UTS2: variants seen among roughly 807,000 people sequenced by gnomAD.
The protein encoded by UTS2 is urotensin 2, also known as urotensin-2.
UTS2 carries 10 observed loss-of-function variants against 12.6 expected under a neutral mutation model. The ratio of observed to expected loss-of-function variants is 0.80; its 90% confidence interval spans 0.49 to 1.35. The LOEUF is 1.35. UTS2 is among the 40% of genes most tolerant of loss of function. The pLI, the probability that UTS2 is intolerant of heterozygous loss-of-function variation, is 0.00. For missense variants in UTS2, 142 were observed against 143.2 expected, an observed-to-expected ratio of 0.99 and a Z score of 0.04; for synonymous variants, 52 against 50.0, an observed-to-expected ratio of 1.04 and a Z score of -0.17.
At chr1:7,856,372 G>T (rs570369329), upstream of UTS2, among the ~76,000 whole-genome samples, 1 of 152,230 alleles carries the variant, frequency 6.6e-6, no homozygotes, top group African/African-American at 2.4e-5. Flanking sequence ...ACAGGGGCAG[G>T]TAGTCAGGGC....
chr1:7,859,176 T>A, the UTS2 span, among the ~76,000 whole-genome samples: 2 of 152,310 alleles, frequency 1.3e-5, no homozygotes, highest in Admixed American at 6.5e-5. Flanking sequence ...GCAGACATCA[T>A]CGGGGTCCAT....
the UTS2 span, among the ~76,000 whole-genome samples, chr1:7,866,204 G>A: frequency 6.6e-6 from 1 of 152,160 alleles, no homozygotes; most frequent in Non-Finnish European, 1.5e-5. The surrounding 1 kb of genome is among the most constrained non-coding windows in gnomAD (Gnocchi z 4.5). Flanking sequence ...TGTGGCCCCA[G>A]TTGTCTAAGA....
the UTS2 span, among the ~76,000 whole-genome samples, chr1:7,880,610 C>A: frequency 1.3e-5 from 2 of 151,948 alleles, 1 homozygote; most frequent in South Asian, 4.2e-4. Flanking sequence ...AAGATTGAAC[C>A]AGGAAGAAAT....
chr1:7,888,987 G>A, the UTS2 span, among the ~76,000 whole-genome samples: 8 of 151,744 alleles, frequency 5.3e-5, no homozygotes, highest in Non-Finnish European at 1.0e-4. Context: ...AAGAGTATGC[G>A]CATAACTCCT....
chr1:7,869,133 C>G, the UTS2 span, among the ~76,000 whole-genome samples: 1 of 152,244 alleles, frequency 6.6e-6, no homozygotes, highest in Non-Finnish European at 1.5e-5. Flanking sequence ...CAGCAACACC[C>G]CTTTTTCAGA....
At chr1:7,906,503 G>GAAAGAAAGAAAGAAAGA in the UTS2 span, among the ~76,000 whole-genome samples, 1 of 130,060 alleles carries the variant, frequency 7.7e-6, no homozygotes, top group Admixed American at 8.1e-5. Flanking sequence ...AAGAAAGAAA[G>GAAAGAAAGAAAGAAAGA]AAAGAAAAGA....
chr1:7,885,351 G>A, the UTS2 span, among the ~76,000 whole-genome samples: 1 of 152,182 alleles, frequency 6.6e-6, no homozygotes, highest in Non-Finnish European at 1.5e-5. Flanking sequence ...CATCTGGGTC[G>A]AGCCCATGGG....
chr1:7,863,005 AT>A, the UTS2 span, among the ~76,000 whole-genome samples: 1 of 20,050 alleles, frequency 5.0e-5, no homozygotes, highest in Non-Finnish European at 1.2e-4. Flanking sequence ...ATTGTATTGT[AT>A]TGTATTGTAT....
chr1:7,861,350 C>T, the UTS2 span, among the ~76,000 whole-genome samples: 2 of 151,976 alleles, frequency 1.3e-5, no homozygotes, highest in African/African-American at 4.8e-5. Flanking sequence ...GCAACTTTGA[C>T]AAGAGCCGTT....
chr1:7,900,387 A>G, the UTS2 span, among the ~76,000 whole-genome samples: 1 of 152,060 alleles, frequency 6.6e-6, no homozygotes, highest in Middle Eastern at 3.4e-3. Flanking sequence ...ACAGAGCCAG[A>G]ACTTGTCTCC....
chr1:7,892,572 G>A, the UTS2 span, among the ~76,000 whole-genome samples: 3 of 142,700 alleles, frequency 2.1e-5, no homozygotes, highest in South Asian at 6.8e-4. Context: ...CCACCTCCAA[G>A]GTTCAGGTGA....
At chr1:7,853,782 G>T (rs183597714), upstream of UTS2, among the ~76,000 whole-genome samples, 151 of 152,358 alleles carry the variant, frequency 9.9e-4, no homozygotes, top group African/African-American at 3.3e-3. Context: ...GCTGGTCCAA[G>T]CCCGGATGGG....
the UTS2 span, among the ~76,000 whole-genome samples, chr1:7,863,008 G>GTATTGTAT: frequency 9.7e-5 from 2 of 20,678 alleles, no homozygotes; most frequent in African/African-American, 1.6e-4. Flanking sequence ...GTATTGTATT[G>GTATTGTAT]TATTGTATTG....
the UTS2 span, among the ~76,000 whole-genome samples, chr1:7,866,535 G>A: frequency 6.6e-6 from 1 of 152,142 alleles, no homozygotes; most frequent in Non-Finnish European, 1.5e-5. This position sits in a 1 kb window ranked among gnomAD's most constrained non-coding sequence, Gnocchi z 4.5. Flanking sequence ...CCCATCCTAG[G>A]CCCTGCACTT....
the UTS2 span, among the ~76,000 whole-genome samples, chr1:7,899,227 G>A: frequency 1.3e-5 from 2 of 152,140 alleles, no homozygotes; most frequent in Non-Finnish European, 2.9e-5. Flanking sequence ...TTAGACAAGA[G>A]ATTTGCTGAA....
At chr1:7,872,313 AAAAAAAGGAAAAG>A in the UTS2 span, among the ~76,000 whole-genome samples, 12 of 147,836 alleles carry the variant, frequency 8.1e-5, no homozygotes, top group South Asian at 2.1e-4. Context: ...AAAAAAAAAA[AAAAAAAGGAAAAG>A]AAAAAAAAAG....
At chr1:7,898,632 C>A in the UTS2 span, among the ~76,000 whole-genome samples, 3 of 152,146 alleles carry the variant, frequency 2.0e-5, no homozygotes, top group Middle Eastern at 6.8e-3. Context: ...CCTGCCACTA[C>A]GCCCGGCTAA....
chr1:7,853,147 TA>T, upstream of UTS2: 1 of 1,449,700 alleles, frequency 6.9e-7, no homozygotes, highest in Non-Finnish European at 9.2e-7. Context: ...AAAATGAATT[TA>T]TTGGCTATGG....
At chr1:7,889,544 C>G in the UTS2 span, among the ~76,000 whole-genome samples, 24 of 152,082 alleles carry the variant, frequency 1.6e-4, no homozygotes, top group African/African-American at 5.8e-4. Context: ...GTGGCTCATG[C>G]CTGTAATCCC....
Sources: allele counts gnomAD v4.1 joint callset (sites outside exome capture counted in the v4.1 genomes callset), GRCh38; gene constraint gnomAD v4.1.1; non-coding constraint Gnocchi (gnomAD v3.1); transcripts MANE v1.5; gene names NCBI Gene and HGNC (gene_info 2026-07-23, HGNC 2026-07-21).